Variants in PSD3 observed in about 807,000 individuals in gnomAD.
PSD3 encodes pleckstrin and Sec7 domain containing 3.
A neutral mutation model predicts 105.5 loss-of-function variants in PSD3; 49 were observed. The ratio of observed to expected loss-of-function variants is 0.46; its 90% CI spans 0.37 to 0.59. The LOEUF is 0.59. PSD3 is among the 20% of genes least tolerant of loss of function. The pLI, the probability that PSD3 is intolerant of heterozygous loss-of-function variation, is 0.00. For missense variants in PSD3, 1,561 were observed against 1,263.8 expected, an observed-to-expected ratio of 1.24 and a Z score of -3.57; for synonymous variants, 557 against 457.8, an observed-to-expected ratio of 1.22 and a Z score of -2.77.
Position 19,042,178 on chromosome 8 carries a change from G to A in PSD3, c.324+42028C>T, listed in dbSNP as rs527597134. ...TAATAAAAGGGAAGGGAAAGGTCTG[G>A]AGTCCTACATTGCACATATGATATT... On this transcript the variant is annotated intron_variant, in intron 1 of 1. Coordinates refer to the PSD3 transcript ENST00000521475. 3.3e-5 allele frequency among the ~76,000 whole-genome samples: 5 copies of A among 152,278 alleles called. No homozygotes were observed. In the South Asian group the frequency reaches 1.0e-3, roughly 32 times the overall value.
intron 2 of PSD3, 130 bp downstream of exon 2, chr8:18,935,904 T>C: frequency 3.4e-6 from 2 of 589,710 alleles, no homozygotes; most frequent in Non-Finnish European, 6.0e-6. Context: ...GGAAGATTGT[T>C]TTGATGAATA....
chr8:18,629,876 C>T lies in PSD3; in HGVS notation c.2410+2737G>A, dbSNP rs992660849. Reference sequence around the variant, plus strand: ...TTTGTAAATTATTAGAAACCATGCACATTCTGGATTGTAAGGCTGAATTAT... The same window carrying T: ...TTTGTAAATTATTAGAAACCATGCATATTCTGGATTGTAAGGCTGAATTAT... On this transcript the variant is annotated intron_variant, in intron 11 of 15. Coordinates refer to ENST00000327040, the MANE Select transcript of PSD3 (RefSeq NM_015310.4). Among the ~76,000 whole-genome samples the T allele has an allele frequency of 9.9e-5, 15 of 151,990 alleles. No homozygotes were observed. The South Asian group carries it at 2.9e-3, about 29-fold the overall frequency.
At chr8:18,991,770 C>A (rs770431497) in intron 1 of PSD3, among the ~76,000 whole-genome samples, 30 of 152,174 alleles carry the variant, frequency 2.0e-4, no homozygotes, top group Non-Finnish European at 3.8e-4. Flanking sequence ...AATTAGCACC[C>A]TCAATCTAGC....
At chr8:18,826,780 T>G (rs1410790889) in intron 4 of PSD3, among the ~76,000 whole-genome samples, 2 of 152,226 alleles carry the variant, frequency 1.3e-5, no homozygotes, top group Non-Finnish European at 2.9e-5. Flanking sequence ...CATTTTGTAC[T>G]CAACACTGAG....
At chr8:18,907,599 T>G (rs1819929857) in intron 2 of PSD3, among the ~76,000 whole-genome samples, 1 of 152,238 alleles carries the variant, frequency 6.6e-6, no homozygotes, top group African/African-American at 2.4e-5. Context: ...TGCACAGGAT[T>G]AGAGCCTAGG....
intron 12 of PSD3, among the ~76,000 whole-genome samples, chr8:18,580,199 A>T (rs1161125956): frequency 6.6e-6 from 1 of 152,192 alleles, no homozygotes; most frequent in African/African-American, 2.4e-5. Context: ...AAAAGGAAAT[A>T]AAAACGCCAT....
chr8:18,573,786 AG>A (rs2130345381), intron 13 of PSD3, among the ~76,000 whole-genome samples: 1 of 152,256 alleles, frequency 6.6e-6, no homozygotes, highest in Non-Finnish European at 1.5e-5. Flanking sequence ...CTGGGGCTGG[AG>A]GTGAGAATGG....
chr8:19,044,719 G>T (rs190252916), intron 1 of PSD3, among the ~76,000 whole-genome samples: 122 of 152,298 alleles, frequency 8.0e-4, no homozygotes, highest in African/African-American at 2.8e-3. Flanking sequence ...CTGTGAGATT[G>T]AAAGAACTAT....
At chr8:18,796,038 AC>A (rs1230714909) in intron 8 of PSD3, among the ~76,000 whole-genome samples, 1 of 152,168 alleles carries the variant, frequency 6.6e-6, no homozygotes, top group Non-Finnish European at 1.5e-5. Context: ...CAAATTCACC[AC>A]ACGACTACAA....
In PSD3 at chr8:18,936,191, A is replaced by C. The variant is rs58394201; in HGVS notation, c.22-49T>G. 5,199 of 1,219,136 alleles carry C rather than the reference A, an allele frequency of 4.3e-3. 173 individuals carry two copies. The African/African-American group carries it at 0.067, about 16-fold the overall frequency. 75.5% of individuals were successfully genotyped at this position (1,219,136 alleles called of 1,614,324 possible). On this transcript the variant is annotated intron_variant, in intron 1 of 15. Coordinates refer to ENST00000327040, the MANE Select transcript of PSD3 (RefSeq NM_015310.4). ...GACACATTTAAAATACATCATTAAAAAACACATCATAAAACAAATTATCCA... is the reference window on the plus strand; with the variant it reads ...GACACATTTAAAATACATCATTAAACAACACATCATAAAACAAATTATCCA...
chr8:18,598,535 C>T, intron 12 of PSD3, among the ~76,000 whole-genome samples: 1 of 151,666 alleles, frequency 6.6e-6, no homozygotes, highest in Middle Eastern at 3.4e-3. Flanking sequence ...ATTAACAGAT[C>T]AAATGATAAA....
At chr8:18,806,077 A>G (rs1474988556) in intron 4 of PSD3, among the ~76,000 whole-genome samples, 1 of 152,322 alleles carries the variant, frequency 6.6e-6, no homozygotes, top group East Asian at 1.9e-4. Context: ...CACAAAATTA[A>G]AAAGACATGA....
intron 9 of PSD3, among the ~76,000 whole-genome samples, chr8:18,669,319 C>A (rs1241787151): frequency 1.3e-5 from 2 of 152,156 alleles, no homozygotes; most frequent in African/African-American, 2.4e-5. Context: ...TGGGACCAAA[C>A]CCTATATATT....
intron 4 of PSD3, among the ~76,000 whole-genome samples, chr8:18,822,819 T>A (rs1262789633): frequency 6.6e-6 from 1 of 152,206 alleles, no homozygotes; most frequent in Admixed American, 6.5e-5. Context: ...GTACATCTCA[T>A]CTTCTCAAAT....
rs374952262 is a variant in PSD3 at position 18,700,500 on chromosome 8, C to G, written c.2173-44815G>C. 1.6e-4 allele frequency among the ~76,000 whole-genome samples: 25 copies of G among 152,302 alleles called. 1 individual carries two copies. The South Asian group carries it at 1.9e-3, about 11-fold the overall frequency. On this transcript the variant is annotated intron_variant, in intron 9 of 15. Transcript: ENST00000327040. ...TCTCCCATGCTTAAACCTTTCTGCT[C>G]CACTTCTAATAACCTGAAAACAATA...
chr8:18,587,953 G>C (rs755052534), intron 12 of PSD3, among the ~76,000 whole-genome samples: 4 of 152,234 alleles, frequency 2.6e-5, no homozygotes, highest in Non-Finnish European at 4.4e-5. Context: ...TTCCAACCAG[G>C]GGGACGGATT....
At chr8:19,045,158 C>A (rs921564747) in intron 1 of PSD3, among the ~76,000 whole-genome samples, 1 of 151,734 alleles carries the variant, frequency 6.6e-6, no homozygotes, top group African/African-American at 2.4e-5. Context: ...GCACTTCAGC[C>A]AGGGTGACGG....
chr8:18,569,420 C>G (rs548060471), intron 14 of PSD3, among the ~76,000 whole-genome samples: 5 of 150,654 alleles, frequency 3.3e-5, no homozygotes, highest in Non-Finnish European at 4.4e-5. Flanking sequence ...GAGATGGTAT[C>G]TCAATGTAGA....
At chr8:18,910,648 A>T (rs1204779925) in intron 2 of PSD3, among the ~76,000 whole-genome samples, 1 of 149,454 alleles carries the variant, frequency 6.7e-6, no homozygotes, top group Non-Finnish European at 1.5e-5. Flanking sequence ...AAAAAAAAAA[A>T]AAAAAAAAAA....
Sources: gnomAD v4.1 joint callset for allele counts (sites outside exome capture counted in the v4.1 genomes callset) on GRCh38, gnomAD v4.1.1 for gene constraint, MANE v1.5 for transcripts, NCBI Gene and HGNC (gene_info 2026-07-23, HGNC 2026-07-21) for gene names.